Variants in GLIS3 observed in about 807,000 individuals in gnomAD.
GLIS3 encodes zinc finger protein GLIS3.
GLIS3 carries 53 observed loss-of-function variants against 78.6 expected under a neutral mutation model. The ratio of observed to expected loss-of-function variants is 0.67; its 90% CI spans 0.54 to 0.85. GLIS3 has a LOEUF of 0.85. Among genes scored for constraint, GLIS3 ranks in the 40% least tolerant of loss-of-function variants. GLIS3 has a pLI of 0.00. For synonymous variants in GLIS3, 684 were observed against 509.9 expected, an observed-to-expected ratio of 1.34 and a Z score of -4.60; for missense variants, 1,703 against 1,231.1, an observed-to-expected ratio of 1.38 and a Z score of -5.74.
chr9:4,099,470 T>C (rs562651667), intron 4 of GLIS3, among the ~76,000 whole-genome samples: 1 of 152,306 alleles, frequency 6.6e-6, no homozygotes, highest in East Asian at 1.9e-4. Flanking sequence ...CACATGTCTT[T>C]GTGTCCAACT....
chr9:4,225,635 C>T (rs192676265), intron 2 of GLIS3, among the ~76,000 whole-genome samples: 1 of 152,126 alleles, frequency 6.6e-6, no homozygotes, highest in African/African-American at 2.4e-5. Context: ...AGCTAACTAA[C>T]TGCTTCTTAA....
chr9:4,261,091 T>C (rs376118420), intron 2 of GLIS3, among the ~76,000 whole-genome samples: 1 of 152,224 alleles, frequency 6.6e-6, no homozygotes. Context: ...CAAGCTAATC[T>C]TCCTAAATTT....
At chr9:4,418,943 G>C in the GLIS3 span, among the ~76,000 whole-genome samples, 4 of 152,198 alleles carry the variant, frequency 2.6e-5, no homozygotes, top group African/African-American at 9.7e-5. Flanking sequence ...AGACTGTGAA[G>C]TGCAATCAAC....
chr9:3,879,374 G>C (rs1821564316), intron 8 of GLIS3, 53 bp downstream of exon 8: 1 of 1,553,112 alleles, frequency 6.4e-7, no homozygotes, highest in African/African-American at 1.4e-5. Context: ...ACTTGTCTGT[G>C]AAGGGAGGTT....
intron 2 of GLIS3, among the ~76,000 whole-genome samples, chr9:4,224,774 C>G (rs1292928014): frequency 1.3e-5 from 2 of 149,696 alleles, no homozygotes; most frequent in African/African-American, 2.5e-5. Context: ...GTTTTTGGAA[C>G]AAAGGAAGTA....
the GLIS3 span, among the ~76,000 whole-genome samples, chr9:4,375,487 A>C: frequency 6.6e-6 from 1 of 152,226 alleles, no homozygotes; most frequent in Non-Finnish European, 1.5e-5. Flanking sequence ...ATTGAAGATT[A>C]ATCTTTCTGA....
chr9:3,969,563 A>G (rs1818221257), intron 4 of GLIS3, among the ~76,000 whole-genome samples: 2 of 152,246 alleles, frequency 1.3e-5, no homozygotes, highest in Non-Finnish European at 2.9e-5. Context: ...AATATGGACC[A>G]TGAAGTGATT....
At chr9:4,119,513 C>T (rs1188431280) in intron 3 of GLIS3, among the ~76,000 whole-genome samples, 2 of 152,032 alleles carry the variant, frequency 1.3e-5, no homozygotes, top group Non-Finnish European at 2.9e-5. Flanking sequence ...TCAAATCACC[C>T]CAGAAAATGA....
intron 4 of GLIS3, among the ~76,000 whole-genome samples, chr9:3,962,790 G>C (rs978046016): frequency 1.4e-4 from 22 of 152,258 alleles, no homozygotes; most frequent in Admixed American, 3.9e-4. Context: ...TCTAGCAAAA[G>C]GGATCCCCCA....
At chr9:4,297,790 C>G (rs941864758) in intron 1 of GLIS3, among the ~76,000 whole-genome samples, 1 of 152,202 alleles carries the variant, frequency 6.6e-6, no homozygotes, top group African/African-American at 2.4e-5. Context: ...CTCGAGACCA[C>G]TCCTGCCAAG....
chr9:4,488,979 C>G, the GLIS3 span, among the ~76,000 whole-genome samples: 1 of 151,974 alleles, frequency 6.6e-6, no homozygotes, highest in Non-Finnish European at 1.5e-5. Context: ...CGATTCTCCT[C>G]CCTCAGCCTC....
At chr9:4,312,346 T>G (rs985971782) in intron 2 of GLIS3, among the ~76,000 whole-genome samples, 1 of 152,096 alleles carries the variant, frequency 6.6e-6, no homozygotes, top group Admixed American at 6.5e-5. Flanking sequence ...TGCACACCTG[T>G]AATCCCAGCT....
At chr9:3,965,188 C>CTTTTTTTT (rs750454441) in intron 4 of GLIS3, among the ~76,000 whole-genome samples, 2,094 of 98,528 alleles carry the variant, frequency 0.021, 103 homozygotes, top group Non-Finnish European at 0.026. Flanking sequence ...TCTTTCTTTT[C>CTTTTTTTT]TTTTCTTTTT....
chr9:4,191,718 A>G (rs1007541060), intron 2 of GLIS3, among the ~76,000 whole-genome samples: 1 of 152,232 alleles, frequency 6.6e-6, no homozygotes, highest in Non-Finnish European at 1.5e-5. Context: ...TATTTAACAA[A>G]CAAGTCAATT....
intron 2 of GLIS3, among the ~76,000 whole-genome samples, chr9:4,325,261 C>A (rs1050478415): frequency 2.6e-5 from 4 of 152,178 alleles, no homozygotes; most frequent in African/African-American, 9.6e-5. Context: ...AGGACCTATT[C>A]TGGGGCTGTT....
rs537108393 is a variant in GLIS3, at chr9:3,977,777, G to A, written c.1711-40588C>T. 3.7e-4 allele frequency among the ~76,000 whole-genome samples: 56 copies of A among 152,250 alleles called. No homozygotes were observed. The highest frequency in any genetic ancestry group is 6.2e-4 in the Non-Finnish European group (42 of 68,006). On this transcript the variant is annotated intron_variant, in intron 4 of 10. Transcript: ENST00000381971. This position sits in a 1 kb window ranked among gnomAD's most constrained non-coding sequence, Gnocchi z 4.1. ...CATCTTGACTACCCCTTTCACCAAA[G>A]AGGAGAAAAAAATATTCTTAATTGA... is the stretch of plus-strand genomic sequence containing the variant.
At position 4,295,476 on chromosome 9, in the gene GLIS3, C is replaced by A. The variant is rs894746683; in HGVS notation, c.-99+3945G>T. Among the ~76,000 whole-genome samples, 4 of 152,066 alleles carry A rather than the reference C, an allele frequency of 2.6e-5. No homozygotes were observed. The East Asian group carries it at 7.7e-4, about 29-fold the overall frequency. ...TAAAGGGGGAGTCCAAATTATTTGA[C>A]CTAATAAAAGGTTGTTGTGTTGAGC... On this transcript the variant is annotated intron_variant, in intron 1 of 10. Coordinates refer to ENST00000381971, the MANE Select transcript of GLIS3 (RefSeq NM_001042413.2).
the GLIS3 span, among the ~76,000 whole-genome samples, chr9:4,359,225 C>T: frequency 3.9e-5 from 6 of 152,202 alleles, no homozygotes; most frequent in South Asian, 4.2e-4. Flanking sequence ...GAGATGAGCG[C>T]GTGTGAATCT....
the GLIS3 span, among the ~76,000 whole-genome samples, chr9:4,460,331 C>G: frequency 6.6e-6 from 1 of 152,150 alleles, no homozygotes; most frequent in Non-Finnish European, 1.5e-5. Context: ...TCCAGTTTCA[C>G]AGAACTGATG....
Sources: allele counts gnomAD v4.1 joint callset (sites outside exome capture counted in the v4.1 genomes callset), GRCh38; gene constraint gnomAD v4.1.1; non-coding constraint Gnocchi (gnomAD v3.1); transcripts MANE v1.5; gene names NCBI Gene and HGNC (gene_info 2026-07-23, HGNC 2026-07-21).